Variants in SEL1L2 observed in about 807,000 individuals in gnomAD.
SEL1L2 encodes the protein SEL1L2 adaptor subunit of SYVN1 ubiquitin ligase, also known as protein sel-1 homolog 2.
In SEL1L2, 89 loss-of-function variants were observed where a neutral mutation model predicts 98.8. The ratio of observed to expected loss-of-function variants is 0.90; its 90% CI spans 0.76 to 1.07. The LOEUF (loss-of-function observed/expected upper bound fraction) is 1.07. SEL1L2 is among the 50% of genes least tolerant of loss of function. The pLI, the probability that SEL1L2 is intolerant of heterozygous loss-of-function variation, is 0.00. For synonymous variants in SEL1L2, 262 were observed against 278.5 expected (o/e 0.94, Z 0.59); for missense variants, 788 against 812.0 (o/e 0.97, Z 0.36).
chr20:13,958,342 C>G (rs2050633830), intron 1 of SEL1L2, among the ~76,000 whole-genome samples: 1 of 129,864 alleles, frequency 7.7e-6, no homozygotes, highest in African/African-American at 2.6e-5. Context: ...AAAGTACTTG[C>G]AGTTTTTGCA....
Position 13,849,343 on chromosome 20 carries a change from C to T in SEL1L2, c.*142G>A, listed in dbSNP as rs1233201505. On this transcript the variant is annotated 3_prime_UTR_variant, in exon 20 of 20. Transcript: ENST00000284951. ...TCTGAAGTTGTTTCTCTAGGATGGT[C>T]CCCAAGTCTTGTCTGTTTCCCATCA... 2.8e-6 allele frequency: 3 copies of T among 1,075,376 alleles called. No homozygotes were observed. In the East Asian group the frequency reaches 7.3e-5, roughly 26 times the overall value. The allele number at this position is 1,075,376 out of a possible 1,614,324, so 66.6% of individuals were successfully genotyped here.
At chr20:13,963,722 A>T (rs1424778601) in intron 1 of SEL1L2, among the ~76,000 whole-genome samples, 1 of 152,168 alleles carries the variant, frequency 6.6e-6, no homozygotes, top group African/African-American at 2.4e-5. Flanking sequence ...TATCAAAAAT[A>T]AAAAATAAAA....
intron 5 of SEL1L2, among the ~76,000 whole-genome samples, chr20:13,905,869 T>C (rs189246346): frequency 0.011 from 1,572 of 148,562 alleles, 32 homozygotes; most frequent in African/African-American, 0.037. Flanking sequence ...CTTTTTCTTT[T>C]CCTTTTTTTT....
chr20:13,871,402 T>C (rs939490234), intron 12 of SEL1L2, among the ~76,000 whole-genome samples: 5 of 152,176 alleles, frequency 3.3e-5, no homozygotes, highest in African/African-American at 1.2e-4. Context: ...GGATGAAGAG[T>C]GAACCTTGAA....
At chr20:13,963,806 G>C (rs1428311570) in intron 1 of SEL1L2, among the ~76,000 whole-genome samples, 2 of 152,116 alleles carry the variant, frequency 1.3e-5, no homozygotes, top group Non-Finnish European at 2.9e-5. Context: ...CCAGAGGCCT[G>C]ACCCTAATAT....
intron 1 of SEL1L2, among the ~76,000 whole-genome samples, chr20:13,971,148 G>A (rs1372412446): frequency 1.3e-5 from 2 of 151,584 alleles, no homozygotes; most frequent in African/African-American, 4.8e-5. Context: ...AAAATCTTTA[G>A]GAATTCCTTA....
intron 18 of SEL1L2, among the ~76,000 whole-genome samples, chr20:13,856,707 T>A (rs1306796415): frequency 6.6e-6 from 1 of 152,184 alleles, no homozygotes; most frequent in Non-Finnish European, 1.5e-5. Context: ...TAATGACCCA[T>A]ATTTTAATAT....
At chr20:13,869,465 G>A (rs1387679843) in intron 14 of SEL1L2, 38 bp downstream of exon 14, 1 of 1,448,362 alleles carries the variant, frequency 6.9e-7, no homozygotes, top group Non-Finnish European at 9.7e-7. Context: ...TAATGCATAT[G>A]TCATTCTAAA....
intron 5 of SEL1L2, among the ~76,000 whole-genome samples, chr20:13,891,717 A>G (rs973064352): frequency 6.6e-6 from 1 of 151,838 alleles, no homozygotes; most frequent in South Asian, 2.1e-4. Flanking sequence ...CAAAAACACT[A>G]TATTTGGTGA....
chr20:13,945,272 TGTTAG>T (rs1392620298), intron 2 of SEL1L2, among the ~76,000 whole-genome samples: 8 of 152,280 alleles, frequency 5.3e-5, no homozygotes, highest in Admixed American at 3.3e-4. Context: ...CCTGACCTTA[TGTTAG>T]GTTAATTCTA....
chr20:13,878,696 A>G (rs2046551921), intron 10 of SEL1L2, among the ~76,000 whole-genome samples: 3 of 152,184 alleles, frequency 2.0e-5, no homozygotes, highest in South Asian at 2.1e-4. Flanking sequence ...GGCGTCATGC[A>G]TCCATTCATC....
At chr20:13,994,220 T>C (rs370628734), upstream of SEL1L2, among the ~76,000 whole-genome samples, 14 of 141,332 alleles carry the variant, frequency 9.9e-5, no homozygotes, top group East Asian at 2.1e-3. Flanking sequence ...TGCTTGAACC[T>C]GGCAGAAAGA....
intron 2 of SEL1L2, among the ~76,000 whole-genome samples, chr20:13,950,281 T>C (rs979313288): frequency 6.6e-6 from 1 of 152,060 alleles, no homozygotes; most frequent in Admixed American, 6.6e-5. Context: ...TAATTAGCAC[T>C]ACTGAGCTGT....
chr20:13,976,203 T>C (rs1427189186), intron 1 of SEL1L2, among the ~76,000 whole-genome samples: 2 of 152,002 alleles, frequency 1.3e-5, no homozygotes, highest in Admixed American at 6.6e-5. Flanking sequence ...GGTTTCTCCA[T>C]GTTGGCCAGG....
intron 2 of SEL1L2, among the ~76,000 whole-genome samples, chr20:13,938,281 A>C (rs1477047895): frequency 6.6e-6 from 1 of 151,896 alleles, no homozygotes; most frequent in African/African-American, 2.4e-5. Context: ...GGGTTTCACC[A>C]TGTTGGTCAG....
chr20:13,853,948 C>G (rs959285393), intron 18 of SEL1L2, among the ~76,000 whole-genome samples: 2 of 152,128 alleles, frequency 1.3e-5, no homozygotes, highest in Admixed American at 1.3e-4. Context: ...GATTATTTCC[C>G]TAGATGATAG....
intron 2 of SEL1L2, among the ~76,000 whole-genome samples, chr20:13,936,458 G>A (rs1212667327): frequency 6.6e-6 from 1 of 152,158 alleles, no homozygotes; most frequent in Non-Finnish European, 1.5e-5. Flanking sequence ...AATGACTCCT[G>A]TAAATAACGT....
rs1253025998 is a variant in SEL1L2 at position 13,870,175 on chromosome 20, C to T, written c.1133G>A (p.Gly378Asp). 1 of 1,611,430 alleles carries T rather than the reference C, an allele frequency of 6.2e-7. No individual in the cohort carries two copies. Among genetic ancestry groups the T allele is most frequent in the East Asian group, 2.2e-5 (1 of 44,838 alleles). ...TCCTTTTCCATGAAAGTAAAGAAGA[C>T]CAAGCCCATGAAGGCCGATTGCATT... ...KGNAIGLHGL[G>D]LLYFHGKGVP... Residue 378 changes from glycine (G) to aspartate (D), a missense_variant, in exon 13 of 20, where the codon GGT (glycine) becomes GAT (aspartate). Transcript: ENST00000284951.
At chr20:13,899,068 T>G (rs1600668645) in intron 5 of SEL1L2, among the ~76,000 whole-genome samples, 1 of 152,180 alleles carries the variant, frequency 6.6e-6, no homozygotes, top group East Asian at 1.9e-4. Context: ...AATTTATTTA[T>G]TTATATTTAA....
Sources: gnomAD v4.1 joint callset for allele counts (sites outside exome capture counted in the v4.1 genomes callset) on GRCh38, gnomAD v4.1.1 for gene constraint, MANE v1.5 for transcripts, NCBI Gene and HGNC (gene_info 2026-07-23, HGNC 2026-07-21) for gene names.